The following NUP214 variants were observed in gnomAD, a reference collection of about 807,000 sequenced individuals.
The protein encoded by NUP214 is nuclear pore complex protein Nup214.
Under a neutral mutation model 196.2 loss-of-function variants are expected in NUP214, and 79 were observed. The observed-to-expected ratio is 0.40, with a 90% CI of 0.34 to 0.49. The LOEUF (loss-of-function observed/expected upper bound fraction) is 0.49. NUP214 is among the 20% of genes least tolerant of loss of function. The probability of loss-of-function intolerance (pLI) is 0.58; values close to 1 mark genes in which losing one functional copy is unlikely to be tolerated. For synonymous variants in NUP214, 1,020 were observed against 990.5 expected (o/e 1.03, Z -0.56); for missense variants, 2,468 against 2,539.0 (o/e 0.97, Z 0.60).
chr9:131,182,447 A>G (rs532804054), intron 24 of NUP214, among the ~76,000 whole-genome samples: 29 of 152,354 alleles, frequency 1.9e-4, no homozygotes, highest in African/African-American at 6.5e-4. Context: ...CATGCAAAGG[A>G]TCTAGGTTGC....
intron 29 of NUP214, among the ~76,000 whole-genome samples, chr9:131,200,107 A>G (rs1335901119): frequency 6.6e-6 from 1 of 152,240 alleles, no homozygotes; most frequent in Admixed American, 6.5e-5. Flanking sequence ...CTCTGCAGTC[A>G]GAACCTGAGA....
chr9:131,215,092 A>G (rs945479243), intron 30 of NUP214, 120 bp from the exon 31 acceptor site: 1 of 850,282 alleles, frequency 1.2e-6, no homozygotes, highest in South Asian at 2.7e-5. Flanking sequence ...CATTTGTACC[A>G]GAACTAATCT....
chr9:131,171,904 T>C (rs1310174740), intron 21 of NUP214, among the ~76,000 whole-genome samples: 2 of 152,224 alleles, frequency 1.3e-5, no homozygotes, highest in East Asian at 3.8e-4. Flanking sequence ...TATGGCTGCA[T>C]AGTATTCCAT....
intron 17 of NUP214, among the ~76,000 whole-genome samples, chr9:131,154,523 T>C (rs1832375105): frequency 6.6e-6 from 1 of 152,314 alleles, no homozygotes; most frequent in Admixed American, 6.5e-5. Flanking sequence ...GGCGTGATCT[T>C]GGCTCACTGC....
At chr9:131,142,982 T>C (rs1000732852) in intron 11 of NUP214, among the ~76,000 whole-genome samples, 5 of 152,148 alleles carry the variant, frequency 3.3e-5, no homozygotes, top group Non-Finnish European at 7.4e-5. Flanking sequence ...ATTTTTACCT[T>C]ATGGAAAGTT....
chr9:131,171,311 G>GT (rs1832949746), intron 21 of NUP214, among the ~76,000 whole-genome samples: 1 of 152,194 alleles, frequency 6.6e-6, no homozygotes, highest in African/African-American at 2.4e-5. Context: ...GACCTTGGAG[G>GT]TTACATAGTT....
chr9:131,203,081 G>A (rs1399993037), intron 30 of NUP214, among the ~76,000 whole-genome samples: 1 of 151,760 alleles, frequency 6.6e-6, no homozygotes, highest in East Asian at 1.9e-4. Context: ...GAGTAGCTGG[G>A]ACTACAGGTG....
chr9:131,182,112 T>C (rs958869267), intron 24 of NUP214, among the ~76,000 whole-genome samples: 2 of 152,232 alleles, frequency 1.3e-5, no homozygotes, highest in Non-Finnish European at 2.9e-5. Context: ...AAAATGGGTT[T>C]CTTGTAGCAC....
At chr9:131,130,620 T>A (rs1178517910) in intron 4 of NUP214, 146 bp from the exon 5 acceptor site, 1 of 696,132 alleles carries the variant, frequency 1.4e-6, no homozygotes, top group Non-Finnish European at 2.4e-6. Flanking sequence ...ATGATTTTAC[T>A]TTTTTCCACT....
chr9:131,199,058 A>G (rs759237229), intron 29 of NUP214, 43 bp downstream of exon 29: 57 of 1,533,208 alleles, frequency 3.7e-5, no homozygotes, highest in Non-Finnish European at 4.8e-5. Context: ...CCTCTCTGCT[A>G]TTTGAAACAT....
In NUP214 at chr9:131,163,363, C is replaced by T. The variant is rs1832697737; in HGVS notation, c.2723+190C>T. 7 of 561,512 alleles carry T rather than the reference C, an allele frequency of 1.2e-5. 1 individual carries two copies. Among genetic ancestry groups the T allele is most frequent in the South Asian group, 8.0e-5 (3 of 37,474 alleles). 34.8% of individuals were successfully genotyped at this position (561,512 alleles called of 1,614,324 possible). ...AAAATGAGGATGACAATACCTGCTT[C>T]GTGGGATTGTTGGAGAGTTAAATTA... On this transcript the variant is annotated intron_variant, in intron 19 of 35. Transcript: ENST00000359428.
chr9:131,195,500 G>A (rs1158062087), intron 28 of NUP214: 2 of 469,322 alleles, frequency 4.3e-6, no homozygotes, highest in Non-Finnish European at 3.8e-6. Context: ...TAAGGACAAG[G>A]AAAGGATTTG....
intron 28 of NUP214, among the ~76,000 whole-genome samples, chr9:131,195,885 C>T (rs904127191): frequency 6.6e-6 from 1 of 151,962 alleles, no homozygotes; most frequent in Non-Finnish European, 1.5e-5. Flanking sequence ...ATTAGCCAGC[C>T]GTGGTGGCGC....
At chr9:131,153,151 G>A (rs1318088585) in intron 17 of NUP214, 2 of 152,002 alleles carry the variant, frequency 1.3e-5, no homozygotes, top group African/African-American at 4.8e-5. Context: ...TGTGTCACTG[G>A]CCTTAGTGTG....
chr9:131,143,339 A>G (rs574675965), intron 11 of NUP214, among the ~76,000 whole-genome samples: 21 of 151,738 alleles, frequency 1.4e-4, no homozygotes, highest in African/African-American at 4.8e-4. Flanking sequence ...CTTTTTAACC[A>G]TTTGGATTGC....
intron 21 of NUP214, chr9:131,167,072 A>G (rs1466689365): frequency 6.6e-6 from 1 of 152,076 alleles, no homozygotes; most frequent in Admixed American, 6.6e-5. Context: ...CGGCTGTCCC[A>G]CTTACCCCTA....
chr9:131,164,260 G>A (rs1285811944), intron 21 of NUP214, 116 bp downstream of exon 21: 3 of 832,526 alleles, frequency 3.6e-6, no homozygotes, highest in Non-Finnish European at 4.0e-6. Context: ...GTATGTGTGT[G>A]TAAGTGTGTG....
rs1337346645 is a variant in NUP214 at position 131,198,922 on chromosome 9, C to T, written c.5428C>T (p.Pro1810Ser). Residue 1810 changes from proline to serine, a missense_variant, in exon 29 of 36, where the codon CCT becomes TCT. Transcript: ENST00000359428. Reference sequence around the variant, plus strand: ...CAACGCTCCTGCTTTTGGGCAGAGTCCTGGCTTTGGACAGGGAGGCTCTGT... The same window carrying T: ...CAACGCTCCTGCTTTTGGGCAGAGTTCTGGCTTTGGACAGGGAGGCTCTGT... ...QSNAPAFGQSPGFGQGGSVFG... is the reference protein window; with the variant it reads ...QSNAPAFGQSSGFGQGGSVFG... 1.9e-6 allele frequency: 3 copies of T among 1,614,148 alleles called. No individual in the cohort carries two copies. Among genetic ancestry groups the T allele is most frequent in the Non-Finnish European group, 2.5e-6 (3 of 1,180,040 alleles).
rs563360568 is a variant in NUP214 at position 131,210,498 on chromosome 9, G to A, written c.5593-4714G>A. On this transcript the variant is annotated intron_variant, in intron 30 of 35. Coordinates refer to ENST00000359428, the MANE Select transcript of NUP214 (RefSeq NM_005085.4). ...CTAAAATTAGCCGGCATGGTGGCGCGCCCCTGTAGTCCCAGCTACTCGGGA... is the reference window on the plus strand; with the variant it reads ...CTAAAATTAGCCGGCATGGTGGCGCACCCCTGTAGTCCCAGCTACTCGGGA... Among the ~76,000 whole-genome samples the A allele has an allele frequency of 3.1e-4, 47 of 152,014 alleles. No homozygotes were observed. In the South Asian group the frequency reaches 3.5e-3, roughly 11 times the overall value.
Sources: allele counts gnomAD v4.1 joint callset (sites outside exome capture counted in the v4.1 genomes callset), GRCh38; gene constraint gnomAD v4.1.1; transcripts MANE v1.5; gene names NCBI Gene and HGNC (gene_info 2026-07-23, HGNC 2026-07-21).